PLCG2: variants seen among roughly 807,000 people sequenced by gnomAD.
PLCG2 encodes phospholipase C gamma 2.
A neutral mutation model predicts 175.6 loss-of-function variants in PLCG2; 69 were observed. That is an observed-to-expected ratio of 0.39 (90% CI 0.32 to 0.48). The LOEUF (loss-of-function observed/expected upper bound fraction) is 0.48. Among genes scored for constraint, PLCG2 ranks in the 20% least tolerant of loss-of-function variants. The pLI is 0.91. For missense variants in PLCG2, 1,798 were observed against 1,650.9 expected, an observed-to-expected ratio of 1.09 and a Z score of -1.54; for synonymous variants, 827 against 624.0, an observed-to-expected ratio of 1.33 and a Z score of -4.85.
At chr16:81,833,968 A>G (rs549725520) in intron 2 of PLCG2, among the ~76,000 whole-genome samples, 2 of 152,310 alleles carry the variant, frequency 1.3e-5, no homozygotes, top group South Asian at 2.1e-4. Flanking sequence ...GCCAGAAGCT[A>G]GCAGGTTCAC....
At chr16:81,746,788 C>T (rs899091811) in intron 1 of PLCG2, among the ~76,000 whole-genome samples, 5 of 152,160 alleles carry the variant, frequency 3.3e-5, no homozygotes, top group Non-Finnish European at 5.9e-5. Flanking sequence ...TGGTACAGTG[C>T]CTGACACACC....
At chr16:81,943,274 G>A (rs907922654) in intron 30 of PLCG2, among the ~76,000 whole-genome samples, 6 of 152,218 alleles carry the variant, frequency 3.9e-5, no homozygotes, top group Non-Finnish European at 8.8e-5. Context: ...CAGTTCTGCA[G>A]GCTGTACAGG....
Position 81,818,808 on chromosome 16 carries a change from A to G in PLCG2, c.193+32626A>G, listed in dbSNP as rs80222169. ...AGGGAGGAGTGTGGAGGGCAGCCTCATGAGAACTGGTATTTAGGTAGAATA... is the reference window on the plus strand; with the variant it reads ...AGGGAGGAGTGTGGAGGGCAGCCTCGTGAGAACTGGTATTTAGGTAGAATA... On this transcript the variant is annotated intron_variant, in intron 2 of 32. Transcript: ENST00000564138. Among the ~76,000 whole-genome samples, 532 of 150,978 alleles carry G rather than the reference A, an allele frequency of 3.5e-3. 4 individuals are homozygous for G. Among genetic ancestry groups the G allele is most frequent in the African/African-American group, 0.012 (501 of 41,022 alleles).
intron 2 of PLCG2, among the ~76,000 whole-genome samples, chr16:81,831,767 G>T (rs541631027): frequency 4.3e-4 from 65 of 152,254 alleles, no homozygotes; most frequent in South Asian, 8.3e-4. Context: ...CCCCAATCCT[G>T]CCTTGTCTGA....
chr16:81,740,970 T>A (rs1359508152), intron 1 of PLCG2, among the ~76,000 whole-genome samples: 1 of 152,200 alleles, frequency 6.6e-6, no homozygotes, highest in African/African-American at 2.4e-5. Flanking sequence ...TCTCCCAGTT[T>A]GCTTAAGCAA....
chr16:81,841,690 G>A (rs377700829), intron 2 of PLCG2, among the ~76,000 whole-genome samples: 3 of 152,254 alleles, frequency 2.0e-5, no homozygotes, highest in Non-Finnish European at 4.4e-5. Flanking sequence ...TTTAACTCAT[G>A]CCTGCTAGAT....
intron 19 of PLCG2, among the ~76,000 whole-genome samples, chr16:81,914,340 T>A (rs1419157013): frequency 6.6e-6 from 1 of 152,200 alleles, no homozygotes; most frequent in Non-Finnish European, 1.5e-5. Flanking sequence ...CTCAGGTGGC[T>A]GTACCTTGGG....
At chr16:81,880,798 TG>T in intron 7 of PLCG2, 111 bp from the exon 8 acceptor site, 1 of 897,764 alleles carries the variant, frequency 1.1e-6, no homozygotes, top group Non-Finnish European at 1.8e-6. Flanking sequence ...ATATTTTTAA[TG>T]ATCTTGTTGC....
upstream of PLCG2, among the ~76,000 whole-genome samples, chr16:81,776,364 C>T (rs935992080): frequency 6.6e-6 from 1 of 152,054 alleles, no homozygotes; most frequent in Non-Finnish European, 1.5e-5. Context: ...CCGCCTCAGC[C>T]TCCCAGGGTG....
At chr16:81,786,209 T>C (rs1910965075) in intron 2 of PLCG2, 27 bp downstream of exon 2, 21 of 1,600,830 alleles carry the variant, frequency 1.3e-5, no homozygotes, top group Non-Finnish European at 1.6e-5. Context: ...TGGGGCAGTG[T>C]GGCCCGTCCT....
chr16:81,870,726 C>T (rs1173423706), intron 6 of PLCG2, 126 bp from the exon 7 acceptor site: 7 of 539,280 alleles, frequency 1.3e-5, no homozygotes, highest in Non-Finnish European at 2.0e-5. Flanking sequence ...GTGGTCATAG[C>T]TGTCTCTTCA....
chr16:81,875,191 T>G (rs1054217773), intron 7 of PLCG2, among the ~76,000 whole-genome samples: 14 of 152,088 alleles, frequency 9.2e-5, no homozygotes, highest in African/African-American at 3.1e-4. Flanking sequence ...CTCGAACTCC[T>G]GACCTCAGGT....
chr16:81,750,754 G>A (rs12935228), intron 1 of PLCG2, among the ~76,000 whole-genome samples: 73,290 of 139,798 alleles, frequency 0.52, 20,638 homozygotes, highest in Middle Eastern at 0.64. Context: ...TGCAAGCTCC[G>A]CCTCCCGGGT....
chr16:81,917,366 G>C (rs769871949), intron 19 of PLCG2, among the ~76,000 whole-genome samples: 4 of 152,028 alleles, frequency 2.6e-5, no homozygotes, highest in Non-Finnish European at 4.4e-5. Flanking sequence ...TGGGAGTGCA[G>C]CTTTCTCTTT....
chr16:81,804,051 C>T (rs1037766135), intron 2 of PLCG2, among the ~76,000 whole-genome samples: 5 of 152,178 alleles, frequency 3.3e-5, no homozygotes, highest in African/African-American at 1.2e-4. Context: ...CACATGTTTC[C>T]ATTTCTCTTG....
At chr16:81,844,075 T>G (rs1567494021) in intron 2 of PLCG2, among the ~76,000 whole-genome samples, 2 of 150,732 alleles carry the variant, frequency 1.3e-5, no homozygotes, top group South Asian at 4.2e-4. Context: ...CTCCCGGGTT[T>G]ATGCCATTCT....
chr16:81,885,492 C>G (rs7186962), intron 9 of PLCG2, among the ~76,000 whole-genome samples: 37,122 of 152,076 alleles, frequency 0.24, 6,689 homozygotes, highest in African/African-American at 0.51. Context: ...TCATCCACTT[C>G]TAACTTTACA....
At chr16:81,853,058 C>T (rs781681811) in intron 2 of PLCG2, among the ~76,000 whole-genome samples, 15 of 152,098 alleles carry the variant, frequency 9.9e-5, no homozygotes, top group Non-Finnish European at 1.8e-4. Flanking sequence ...AGGCTGGGCC[C>T]GCTGGCTCAC....
chr16:81,776,353 C>A (rs1436466853), upstream of PLCG2, among the ~76,000 whole-genome samples: 7 of 152,006 alleles, frequency 4.6e-5, no homozygotes, highest in Non-Finnish European at 1.0e-4. Context: ...TCGTGATCCG[C>A]CCGCCTCAGC....
Sources: gnomAD v4.1 joint callset for allele counts (sites outside exome capture counted in the v4.1 genomes callset) on GRCh38, gnomAD v4.1.1 for gene constraint, MANE v1.5 for transcripts, NCBI Gene and HGNC (gene_info 2026-07-23, HGNC 2026-07-21) for gene names.